The following CLVS1 variants were observed in gnomAD, a reference collection of about 807,000 sequenced individuals.
CLVS1 encodes clavesin-1.
CLVS1 carries 10 observed loss-of-function variants against 33.1 expected under a neutral mutation model. The observed-to-expected ratio is 0.30, with a 90% CI of 0.19 to 0.51. The LOEUF is 0.51. CLVS1 is among the 20% of genes least tolerant of loss of function. The probability of loss-of-function intolerance (pLI) is 0.97; values close to 1 mark genes in which losing one functional copy is unlikely to be tolerated. For missense variants in CLVS1, 343 were observed against 433.4 expected, an observed-to-expected ratio of 0.79 and a Z score of 1.85; for synonymous variants, 163 against 166.1, an observed-to-expected ratio of 0.98 and a Z score of 0.14.
the CLVS1 span, among the ~76,000 whole-genome samples, chr8:60,978,859 A>T: frequency 6.6e-6 from 1 of 151,842 alleles, no homozygotes; most frequent in Non-Finnish European, 1.5e-5. Context: ...ATACAGGGAA[A>T]GAAAGGAATA....
intron 2 of CLVS1, among the ~76,000 whole-genome samples, chr8:61,138,313 A>G (rs1806229089): frequency 6.6e-6 from 1 of 152,184 alleles, no homozygotes; most frequent in African/African-American, 2.4e-5. Flanking sequence ...AGAAAATTAC[A>G]TTGTTCCTCT....
At position 61,486,055 on chromosome 8, in the gene CLVS1, C is replaced by T. The variant is rs141464522; in HGVS notation, c.978-13400C>T. On this transcript the variant is annotated intron_variant, in intron 5 of 5. Transcript: ENST00000325897. Reference sequence around the variant, plus strand: ...GGCACATGTATACATATGTAACTAACCTGCACGTTGTGCACATGTACCCTA... The same window carrying T: ...GGCACATGTATACATATGTAACTAATCTGCACGTTGTGCACATGTACCCTA... 1.9e-4 allele frequency among the ~76,000 whole-genome samples: 29 copies of T among 152,000 alleles called. No homozygotes were observed. In the East Asian group the frequency reaches 5.0e-3, roughly 26 times the overall value.
intron 3 of CLVS1, among the ~76,000 whole-genome samples, chr8:61,399,321 C>A (rs1020593885): frequency 3.9e-5 from 6 of 151,904 alleles, no homozygotes; most frequent in Non-Finnish European, 8.8e-5. Flanking sequence ...TGTTTGTTGG[C>A]CACATGTATG....
At chr8:61,332,280 C>T (rs1331435019) in intron 2 of CLVS1, among the ~76,000 whole-genome samples, 2 of 152,142 alleles carry the variant, frequency 1.3e-5, no homozygotes, top group African/African-American at 4.8e-5. Flanking sequence ...TTTTCCAGCA[C>T]CCTCAGACAG....
intron 1 of CLVS1, among the ~76,000 whole-genome samples, chr8:61,098,004 A>G (rs1337940149): frequency 6.6e-6 from 1 of 152,150 alleles, no homozygotes. Flanking sequence ...AAAAATTTAA[A>G]AAAAATTATC....
the CLVS1 span, among the ~76,000 whole-genome samples, chr8:61,050,749 G>A: frequency 2.6e-5 from 4 of 152,242 alleles, no homozygotes; most frequent in South Asian, 2.1e-4. Flanking sequence ...CCTTAGCTTC[G>A]TCATTGGTTT....
At chr8:61,052,228 T>C (rs926858005), upstream of CLVS1, among the ~76,000 whole-genome samples, 3 of 152,208 alleles carry the variant, frequency 2.0e-5, no homozygotes, top group African/African-American at 7.2e-5. Context: ...CACCTCCCCC[T>C]GTGGCACCCA....
At chr8:61,126,164 T>C (rs1805964582) in intron 1 of CLVS1, among the ~76,000 whole-genome samples, 1 of 152,104 alleles carries the variant, frequency 6.6e-6, no homozygotes, top group Non-Finnish European at 1.5e-5. Context: ...TCTCTTCTCT[T>C]TACACACATA....
chr8:61,011,327 C>A, the CLVS1 span, among the ~76,000 whole-genome samples: 1 of 152,200 alleles, frequency 6.6e-6, no homozygotes, highest in South Asian at 2.1e-4. Context: ...CTCTGTGGTA[C>A]TCCTCTCTTC....
Position 61,499,621 on chromosome 8 carries a change from C to T in CLVS1, c.*79C>T. 1 of 984,764 alleles carries T rather than the reference C, an allele frequency of 1.0e-6. No homozygotes were observed. The allele number at this position is 984,764 out of a possible 1,614,324, so 61.0% of individuals were successfully genotyped here. A position where few individuals can be genotyped will look rare whatever the true frequency, so the allele number is the denominator to read the frequency against. On this transcript the variant is annotated 3_prime_UTR_variant, in exon 6 of 6. Transcript: ENST00000325897. ...CCAGGAAGCACATGCACAACTGACCCATGCAGACACGTGTGTTCTGCTTGA... is the reference window on the plus strand; with the variant it reads ...CCAGGAAGCACATGCACAACTGACCTATGCAGACACGTGTGTTCTGCTTGA...
At chr8:61,409,078 T>G (rs953781368) in intron 3 of CLVS1, among the ~76,000 whole-genome samples, 1 of 152,168 alleles carries the variant, frequency 6.6e-6, no homozygotes, top group African/African-American at 2.4e-5. Context: ...CATTTTGAGT[T>G]TTGTTTTGAT....
intron 1 of CLVS1, among the ~76,000 whole-genome samples, chr8:61,077,937 C>T (rs956103879): frequency 1.3e-5 from 2 of 152,168 alleles, no homozygotes; most frequent in African/African-American, 4.8e-5. Context: ...TCCGGCTCCT[C>T]GGGTGGCTTT....
the CLVS1 span, among the ~76,000 whole-genome samples, chr8:60,977,567 T>A: frequency 6.2e-4 from 95 of 152,112 alleles, no homozygotes; most frequent in African/African-American, 2.3e-3. Flanking sequence ...TCACCAGAGG[T>A]GCTCAACGGC....
At chr8:60,997,427 A>G in the CLVS1 span, among the ~76,000 whole-genome samples, 1 of 152,250 alleles carries the variant, frequency 6.6e-6, no homozygotes, top group African/African-American at 2.4e-5. Context: ...ACAAATACAC[A>G]GACCAGCCAA....
the CLVS1 span, among the ~76,000 whole-genome samples, chr8:60,974,778 C>CAA: frequency 1.9e-5 from 2 of 104,974 alleles, no homozygotes; most frequent in African/African-American, 3.6e-5. Flanking sequence ...GACTCCATCT[C>CAA]AAAAAAAAAA....
the CLVS1 span, among the ~76,000 whole-genome samples, chr8:61,027,416 G>A: frequency 2.0e-5 from 3 of 152,072 alleles, no homozygotes; most frequent in Non-Finnish European, 4.4e-5. Flanking sequence ...AAATACTGGA[G>A]GGCTAGACAA....
intron 1 of CLVS1, among the ~76,000 whole-genome samples, chr8:61,293,316 T>C (rs1810063346): frequency 6.6e-6 from 1 of 152,180 alleles, no homozygotes; most frequent in Non-Finnish European, 1.5e-5. Flanking sequence ...AGAAAGTCAA[T>C]GAATTCAGGG....
At chr8:61,068,089 T>C (rs1585584878) in intron 1 of CLVS1, among the ~76,000 whole-genome samples, 4 of 151,520 alleles carry the variant, frequency 2.6e-5, no homozygotes, top group Non-Finnish European at 5.9e-5. Flanking sequence ...GGAAGATTAC[T>C]TGACCCCAGA....
chr8:61,311,979 A>C (rs1483269484), intron 2 of CLVS1, among the ~76,000 whole-genome samples: 4 of 152,254 alleles, frequency 2.6e-5, no homozygotes, highest in Non-Finnish European at 5.9e-5. Flanking sequence ...CCTGTATGCT[A>C]CATTCACTGT....
Sources: gnomAD v4.1 joint callset for allele counts (sites outside exome capture counted in the v4.1 genomes callset) on GRCh38, gnomAD v4.1.1 for gene constraint, MANE v1.5 for transcripts, NCBI Gene and HGNC (gene_info 2026-07-23, HGNC 2026-07-21) for gene names.